Variants in NRXN1 observed in about 807,000 individuals in gnomAD.
The protein encoded by NRXN1 is neurexin-1.
NRXN1 carries 39 observed loss-of-function variants against 150.9 expected under a neutral mutation model. The ratio of observed to expected loss-of-function variants is 0.26; its 90% confidence interval spans 0.20 to 0.34. The LOEUF (loss-of-function observed/expected upper bound fraction) is 0.34. NRXN1 is among the 10% of genes least tolerant of loss of function. The probability of loss-of-function intolerance (pLI) is 1.00; values close to 1 mark genes in which losing one functional copy is unlikely to be tolerated. For missense variants in NRXN1, 1,815 were observed against 1,949.9 expected (o/e 0.93, Z 1.30); for synonymous variants, 924 against 757.0 (o/e 1.22, Z -3.62).
chr2:50,153,605 C>T (rs1036811329), intron 18 of NRXN1, among the ~76,000 whole-genome samples: 2 of 151,646 alleles, frequency 1.3e-5, no homozygotes, highest in Admixed American at 6.6e-5. Context: ...TGGGCTCATG[C>T]CTTTCCCTGA....
At chr2:50,502,179 A>T (rs548447962) in intron 13 of NRXN1, among the ~76,000 whole-genome samples, 1 of 151,978 alleles carries the variant, frequency 6.6e-6, no homozygotes, top group Non-Finnish European at 1.5e-5. Flanking sequence ...GATCTCTGAC[A>T]AAATAGAAGA....
At chr2:50,775,125 G>C (rs1703450214) in intron 5 of NRXN1, among the ~76,000 whole-genome samples, 1 of 152,140 alleles carries the variant, frequency 6.6e-6, no homozygotes, top group South Asian at 2.1e-4. Flanking sequence ...ATAGCTCCAA[G>C]ATGGTCTGAT....
intron 19 of NRXN1, among the ~76,000 whole-genome samples, chr2:50,065,089 T>C (rs1256777369): frequency 6.6e-6 from 1 of 152,206 alleles, no homozygotes; most frequent in Non-Finnish European, 1.5e-5. Context: ...GAAAGTGGTC[T>C]GTAGGTAAAG....
chr2:50,019,124 C>T, intron 21 of NRXN1: 1 of 437,884 alleles, frequency 2.3e-6, no homozygotes, highest in South Asian at 1.7e-5. Flanking sequence ...GTGCTTTCAT[C>T]ATCCCTAGGG....
intron 5 of NRXN1, among the ~76,000 whole-genome samples, chr2:50,628,066 G>A (rs1412070304): frequency 6.6e-6 from 1 of 151,826 alleles, no homozygotes; most frequent in African/African-American, 2.4e-5. Context: ...TTTGGAGCTT[G>A]AAGAGTTTTG....
chr2:50,539,257 T>C (rs550108559), intron 9 of NRXN1, among the ~76,000 whole-genome samples: 1 of 152,322 alleles, frequency 6.6e-6, no homozygotes, highest in East Asian at 1.9e-4. Flanking sequence ...ATACTAGTAA[T>C]GTACATGGTT....
At chr2:49,980,910 G>C (rs1679885487) in intron 21 of NRXN1, among the ~76,000 whole-genome samples, 1 of 152,036 alleles carries the variant, frequency 6.6e-6, no homozygotes, top group Non-Finnish European at 1.5e-5. Context: ...CCAATTGCTT[G>C]ACAATAAATC....
chr2:51,024,522 T>C (rs1327833033), intron 2 of NRXN1, among the ~76,000 whole-genome samples: 1 of 152,098 alleles, frequency 6.6e-6, no homozygotes, highest in Non-Finnish European at 1.5e-5. Context: ...ACACATAACC[T>C]TTCCTGGATT....
At chr2:50,933,491 A>G (rs188002639) in intron 2 of NRXN1, among the ~76,000 whole-genome samples, 2 of 152,164 alleles carry the variant, frequency 1.3e-5, no homozygotes, top group Non-Finnish European at 2.9e-5. Context: ...TACTATACAA[A>G]CTGCAATTCT....
At chr2:50,037,317 A>AG (rs1256586749) in intron 21 of NRXN1, among the ~76,000 whole-genome samples, 1 of 122,384 alleles carries the variant, frequency 8.2e-6, no homozygotes, top group Non-Finnish European at 1.8e-5. Flanking sequence ...CAAAATTTAT[A>AG]AAAAAAATTT....
chr2:50,599,790 A>G (rs1175437449), intron 8 of NRXN1, among the ~76,000 whole-genome samples: 2 of 152,212 alleles, frequency 1.3e-5, no homozygotes, highest in African/African-American at 4.8e-5. Flanking sequence ...AGAAGCTAAA[A>G]TATGCATTAT....
intron 17 of NRXN1, among the ~76,000 whole-genome samples, chr2:50,329,298 T>G (rs539686364): frequency 6.6e-6 from 1 of 151,988 alleles, no homozygotes; most frequent in African/African-American, 2.4e-5. Context: ...AATCCACATG[T>G]GAAGATGTTC....
At chr2:50,167,730 A>C (rs551726819) in intron 18 of NRXN1, among the ~76,000 whole-genome samples, 32 of 152,322 alleles carry the variant, frequency 2.1e-4, no homozygotes, top group African/African-American at 7.5e-4. Context: ...GACCTTTAAC[A>C]AATTTTGATG....
At chr2:50,477,352 A>G (rs2090072499) in intron 15 of NRXN1, among the ~76,000 whole-genome samples, 1 of 152,244 alleles carries the variant, frequency 6.6e-6, no homozygotes, top group South Asian at 2.1e-4. Context: ...GAGGAGAAAT[A>G]AAATTGCATT....
intron 21 of NRXN1, among the ~76,000 whole-genome samples, chr2:49,984,291 C>A (rs1382296454): frequency 6.6e-6 from 1 of 152,098 alleles, no homozygotes; most frequent in African/African-American, 2.4e-5. Context: ...AAATCAGAAC[C>A]AGAATTCACA....
At chr2:50,436,579 T>C (rs75245313) in intron 17 of NRXN1, among the ~76,000 whole-genome samples, 1,814 of 152,380 alleles carry the variant, frequency 0.012, 37 homozygotes, top group African/African-American at 0.04. Context: ...ATTTTATTTT[T>C]ACTAATCCCA....
chr2:50,154,490 C>T (rs1468695459), intron 18 of NRXN1, among the ~76,000 whole-genome samples: 1 of 151,506 alleles, frequency 6.6e-6, no homozygotes, highest in Non-Finnish European at 1.5e-5. Context: ...CCTTAGACAG[C>T]TTTCTATCCG....
intron 21 of NRXN1, among the ~76,000 whole-genome samples, chr2:49,997,336 G>T (rs1453422749): frequency 6.6e-6 from 1 of 151,896 alleles, no homozygotes; most frequent in Non-Finnish European, 1.5e-5. Context: ...ATTTAATCAG[G>T]GTATTTTGAC....
intron 1 of NRXN1, among the ~76,000 whole-genome samples, chr2:51,031,164 G>A (rs1033872103): frequency 2.6e-5 from 4 of 151,964 alleles, no homozygotes; most frequent in Non-Finnish European, 5.9e-5. Context: ...GGAGAAAAGA[G>A]GATTCTCTCT....
Sources: allele counts gnomAD v4.1 joint callset (sites outside exome capture counted in the v4.1 genomes callset), GRCh38; gene constraint gnomAD v4.1.1; transcripts MANE v1.5; gene names NCBI Gene and HGNC (gene_info 2026-07-23, HGNC 2026-07-21).